The following SCHIP1 variants were observed in gnomAD, a reference collection of about 807,000 sequenced individuals.
SCHIP1 encodes schwannomin interacting protein 1, also known as schwannomin-interacting protein 1.
In SCHIP1, 8 loss-of-function variants were observed where a neutral mutation model predicts 29.7. The observed-to-expected ratio is 0.27, with a 90% CI of 0.16 to 0.49. The LOEUF (loss-of-function observed/expected upper bound fraction) is 0.49, where lower values mean the gene tolerates loss of function less well. SCHIP1 is among the 20% of genes least tolerant of loss of function. The probability of loss-of-function intolerance (pLI) is 0.99; values close to 1 mark genes in which losing one functional copy is unlikely to be tolerated. For missense variants in SCHIP1, 193 were observed against 294.6 expected (o/e 0.66, Z 2.52); for synonymous variants, 76 against 94.9 (o/e 0.80, Z 1.16).
At chr3:159,810,941 C>T in the SCHIP1 span, among the ~76,000 whole-genome samples, 105 of 152,258 alleles carry the variant, frequency 6.9e-4, no homozygotes, top group African/African-American at 2.3e-3. Flanking sequence ...ATGAGGCTTA[C>T]GGTTTTTTCA....
At chr3:159,573,479 C>T in the SCHIP1 span, among the ~76,000 whole-genome samples, 2 of 152,216 alleles carry the variant, frequency 1.3e-5, no homozygotes, top group Non-Finnish European at 2.9e-5. Flanking sequence ...GAGAGATCCA[C>T]TGTTAGTCTG....
At chr3:159,447,721 C>G in the SCHIP1 span, among the ~76,000 whole-genome samples, 1 of 152,168 alleles carries the variant, frequency 6.6e-6, no homozygotes, top group Non-Finnish European at 1.5e-5. Flanking sequence ...ATGGTTACAA[C>G]AAGTTCACTT....
At chr3:159,302,941 C>T in the SCHIP1 span, among the ~76,000 whole-genome samples, 1 of 152,080 alleles carries the variant, frequency 6.6e-6, no homozygotes, top group African/African-American at 2.4e-5. Flanking sequence ...AAGTTGAACA[C>T]CCTAATAAGG....
chr3:159,886,279 T>TGACAGTAAGACTGAAACCAGCTTG (rs1414440538), exon 3 of SCHIP1: 4 of 1,614,070 alleles, frequency 2.5e-6, no homozygotes, highest in African/African-American at 1.3e-5. Context: ...GTGATGCTGA[T>TGACAGTAAGACTGAAACCAGCTTG]GACAGTAAGA....
the SCHIP1 span, among the ~76,000 whole-genome samples, chr3:159,478,998 A>G: frequency 6.6e-6 from 1 of 152,110 alleles, no homozygotes; most frequent in Non-Finnish European, 1.5e-5. Context: ...TCATGTCATC[A>G]GCAAATAGAA....
the SCHIP1 span, among the ~76,000 whole-genome samples, chr3:159,469,103 A>T: frequency 1.3e-5 from 2 of 152,090 alleles, no homozygotes; most frequent in Non-Finnish European, 2.9e-5. Flanking sequence ...AGAATTATCA[A>T]CAACTGTGGT....
chr3:159,549,230 C>G, the SCHIP1 span, among the ~76,000 whole-genome samples: 7 of 152,260 alleles, frequency 4.6e-5, no homozygotes, highest in African/African-American at 1.7e-4. Flanking sequence ...ATTCTCCTTT[C>G]TGGGATTTCC....
the SCHIP1 span, among the ~76,000 whole-genome samples, chr3:159,732,365 G>C: frequency 9.8e-5 from 15 of 152,320 alleles, no homozygotes; most frequent in African/African-American, 3.4e-4. Flanking sequence ...ACAGTCCCTG[G>C]GAAGTTTGCG....
At chr3:159,374,003 T>A in the SCHIP1 span, among the ~76,000 whole-genome samples, 1 of 152,202 alleles carries the variant, frequency 6.6e-6, no homozygotes, top group Non-Finnish European at 1.5e-5. Flanking sequence ...TCCACACAGT[T>A]TTCCATAATG....
the SCHIP1 span, among the ~76,000 whole-genome samples, chr3:159,349,722 G>T: frequency 6.6e-6 from 1 of 152,284 alleles, no homozygotes; most frequent in East Asian, 1.9e-4. Flanking sequence ...AGAGCACCTG[G>T]ATGGTATCTC....
At chr3:159,490,997 T>A in the SCHIP1 span, among the ~76,000 whole-genome samples, 2 of 152,182 alleles carry the variant, frequency 1.3e-5, no homozygotes, top group South Asian at 4.1e-4. Flanking sequence ...CCCATTTAAT[T>A]TACATGTTTA....
the SCHIP1 span, among the ~76,000 whole-genome samples, chr3:159,416,080 A>G: frequency 6.6e-6 from 1 of 152,164 alleles, no homozygotes; most frequent in Admixed American, 6.6e-5. Flanking sequence ...AGCCCCTCCT[A>G]TCTCTCTGAA....
At chr3:159,885,818 G>T (rs1716907756) in intron 2 of SCHIP1, among the ~76,000 whole-genome samples, 1 of 152,222 alleles carries the variant, frequency 6.6e-6, no homozygotes. Flanking sequence ...GTCTTTGATT[G>T]TCCCCCTGGG....
At chr3:159,351,415 T>C in the SCHIP1 span, among the ~76,000 whole-genome samples, 1 of 152,296 alleles carries the variant, frequency 6.6e-6, no homozygotes, top group African/African-American at 2.4e-5. Flanking sequence ...ATTCTTGCAA[T>C]AATCCAACAC....
the SCHIP1 span, among the ~76,000 whole-genome samples, chr3:159,683,149 G>A: frequency 6.6e-5 from 10 of 151,944 alleles, no homozygotes; most frequent in Admixed American, 2.6e-4. Context: ...TCCCAGGTTC[G>A]AGCAATTCTT....
chr3:159,521,153 T>A, the SCHIP1 span, among the ~76,000 whole-genome samples: 2 of 152,232 alleles, frequency 1.3e-5, no homozygotes, highest in African/African-American at 4.8e-5. Flanking sequence ...CAGTCCATAA[T>A]GCTGAGCTGA....
At chr3:159,446,112 C>A in the SCHIP1 span, among the ~76,000 whole-genome samples, 13 of 151,852 alleles carry the variant, frequency 8.6e-5, no homozygotes, top group Non-Finnish European at 1.9e-4. Context: ...CAACTTTTAC[C>A]CTTTAGGCCG....
chr3:159,812,036 A>C, the SCHIP1 span, among the ~76,000 whole-genome samples: 1 of 141,358 alleles, frequency 7.1e-6, no homozygotes, highest in East Asian at 2.2e-4. Flanking sequence ...CAGTGGTGTG[A>C]TCTCGGCTCA....
chr3:159,360,227 G>A, the SCHIP1 span, among the ~76,000 whole-genome samples: 1 of 151,992 alleles, frequency 6.6e-6, no homozygotes, highest in African/African-American at 2.4e-5. Flanking sequence ...ATTTTAGCAG[G>A]GCATCAGCAG....
Sources: allele counts gnomAD v4.1 joint callset (sites outside exome capture counted in the v4.1 genomes callset), GRCh38; gene constraint gnomAD v4.1.1; transcripts MANE v1.5; gene names NCBI Gene and HGNC (gene_info 2026-07-23, HGNC 2026-07-21).